The following INPP4B variants were observed in gnomAD, a reference collection of about 807,000 sequenced individuals.
The protein encoded by INPP4B is inositol polyphosphate-4-phosphatase type II B, also known as inositol polyphosphate 4-phosphatase type II.
Under a neutral mutation model 122.5 loss-of-function variants are expected in INPP4B, and 55 were observed. That is an observed-to-expected ratio of 0.45 (90% CI 0.36 to 0.56). INPP4B has a LOEUF of 0.56. INPP4B is among the 20% of genes least tolerant of loss of function. INPP4B has a pLI of 0.00. For synonymous variants in INPP4B, 403 were observed against 388.7 expected, an observed-to-expected ratio of 1.04 and a Z score of -0.43; for missense variants, 1,000 against 1,097.7, an observed-to-expected ratio of 0.91 and a Z score of 1.26.
intron 2 of INPP4B, among the ~76,000 whole-genome samples, chr4:142,493,853 G>A (rs1204291651): frequency 6.6e-6 from 1 of 152,114 alleles, no homozygotes; most frequent in Non-Finnish European, 1.5e-5. Flanking sequence ...TGAGAACTGG[G>A]AGGGACCAGG....
chr4:142,680,639 C>T (rs1017100442), intron 2 of INPP4B, among the ~76,000 whole-genome samples: 1 of 151,854 alleles, frequency 6.6e-6, no homozygotes, highest in African/African-American at 2.4e-5. Flanking sequence ...GTGGAAGTCA[C>T]TTTTTTAAAA....
At chr4:142,126,111 G>A (rs1798517569) in intron 18 of INPP4B, among the ~76,000 whole-genome samples, 1 of 151,992 alleles carries the variant, frequency 6.6e-6, no homozygotes, top group African/African-American at 2.4e-5. Context: ...AGTTAATTTG[G>A]AGATCAAAGC....
At chr4:142,836,418 G>A (rs1782779278) in intron 1 of INPP4B, among the ~76,000 whole-genome samples, 1 of 151,930 alleles carries the variant, frequency 6.6e-6, no homozygotes, top group Non-Finnish European at 1.5e-5. Context: ...GAGTGTGTGA[G>A]TGTGTGTGTG....
intron 1 of INPP4B, among the ~76,000 whole-genome samples, chr4:142,814,630 A>G (rs1779912327): frequency 6.6e-6 from 1 of 152,136 alleles, no homozygotes; most frequent in Non-Finnish European, 1.5e-5. Context: ...TACACATAGA[A>G]CTCAGGAGCA....
At chr4:142,082,475 G>C (rs28695869) in intron 24 of INPP4B, among the ~76,000 whole-genome samples, 1 of 152,122 alleles carries the variant, frequency 6.6e-6, no homozygotes, top group Non-Finnish European at 1.5e-5. Context: ...ACCCAAGGGG[G>C]GTGCCTGGTC....
intron 2 of INPP4B, among the ~76,000 whole-genome samples, chr4:142,666,863 G>A (rs747318604): frequency 9.2e-5 from 14 of 152,106 alleles, no homozygotes; most frequent in Non-Finnish European, 1.3e-4. Flanking sequence ...TGAATGGAAG[G>A]TCAACACAAC....
At chr4:142,842,642 T>C (rs1783647831) in intron 1 of INPP4B, among the ~76,000 whole-genome samples, 1 of 134,624 alleles carries the variant, frequency 7.4e-6, no homozygotes, top group Admixed American at 8.2e-5. Flanking sequence ...AATCCTAACA[T>C]AATATATTAT....
At chr4:142,209,829 A>G (rs1844161232) in intron 12 of INPP4B, among the ~76,000 whole-genome samples, 1 of 150,694 alleles carries the variant, frequency 6.6e-6, no homozygotes, top group South Asian at 2.1e-4. Context: ...CCCAGATAAT[A>G]AATAAATGGT....
chr4:142,783,233 T>C (rs895496752), intron 1 of INPP4B, among the ~76,000 whole-genome samples: 10 of 152,066 alleles, frequency 6.6e-5, no homozygotes, highest in African/African-American at 2.4e-4. Flanking sequence ...AGGCAACCTA[T>C]AAAATGGGAG....
intron 11 of INPP4B, among the ~76,000 whole-genome samples, chr4:142,252,866 C>T (rs1052561647): frequency 2.0e-5 from 3 of 152,176 alleles, no homozygotes; most frequent in East Asian, 1.9e-4. Flanking sequence ...AATTTATAGT[C>T]GTGTAGTTTA....
chr4:142,611,637 C>CTTTTTTTTTTTTTTT (rs34482115), intron 2 of INPP4B, among the ~76,000 whole-genome samples: 19 of 65,232 alleles, frequency 2.9e-4, no homozygotes, highest in South Asian at 7.6e-4. Context: ...TTTCTTTTTT[C>CTTTTTTTTTTTTTTT]TTTTTTTTTT....
intron 2 of INPP4B, among the ~76,000 whole-genome samples, chr4:142,712,336 G>C (rs1763216723): frequency 6.6e-6 from 1 of 152,176 alleles, no homozygotes; most frequent in Non-Finnish European, 1.5e-5. Flanking sequence ...TAATAGCCAG[G>C]TCTTAAAAGA....
chr4:142,232,597 C>T (rs906176948), intron 12 of INPP4B, among the ~76,000 whole-genome samples: 21 of 151,676 alleles, frequency 1.4e-4, no homozygotes, highest in African/African-American at 5.1e-4. Context: ...CCATGAAACA[C>T]AAAAATATAA....
At chr4:142,280,759 A>C (rs1172688596) in intron 9 of INPP4B, among the ~76,000 whole-genome samples, 2 of 152,002 alleles carry the variant, frequency 1.3e-5, no homozygotes, top group East Asian at 3.9e-4. Context: ...TCGCACAGCC[A>C]TTTAGTCTGG....
At chr4:142,485,778 T>C (rs531885683) in intron 2 of INPP4B, among the ~76,000 whole-genome samples, 2 of 152,264 alleles carry the variant, frequency 1.3e-5, no homozygotes, top group African/African-American at 4.8e-5. Flanking sequence ...AACTGGTAAT[T>C]ACACGCATAA....
At chr4:142,607,447 T>A (rs1358923009) in intron 2 of INPP4B, among the ~76,000 whole-genome samples, 1 of 152,056 alleles carries the variant, frequency 6.6e-6, no homozygotes, top group Non-Finnish European at 1.5e-5. Context: ...ATATGTAGCT[T>A]TACATGTTGC....
chr4:142,153,838 T>C (rs1282818480), intron 17 of INPP4B, among the ~76,000 whole-genome samples: 4 of 152,170 alleles, frequency 2.6e-5, no homozygotes, highest in Admixed American at 2.6e-4. Context: ...AATCTAGAAA[T>C]TGGCAAGATT....
chr4:142,590,173 G>A (rs1737118455), intron 2 of INPP4B, among the ~76,000 whole-genome samples: 1 of 152,114 alleles, frequency 6.6e-6, no homozygotes, highest in African/African-American at 2.4e-5. Context: ...TAGCTATTCT[G>A]TGGGGTACTA....
intron 2 of INPP4B, among the ~76,000 whole-genome samples, chr4:142,616,463 G>A (rs575544311): frequency 1.5e-4 from 23 of 152,162 alleles, no homozygotes; most frequent in East Asian, 1.2e-3. Context: ...TTTTTAAGGC[G>A]CTTAGCATGT....
Sources: gnomAD v4.1 joint callset for allele counts (sites outside exome capture counted in the v4.1 genomes callset) on GRCh38, gnomAD v4.1.1 for gene constraint, MANE v1.5 for transcripts, NCBI Gene and HGNC (gene_info 2026-07-23, HGNC 2026-07-21) for gene names.